Variants in HS3ST2 observed in about 807,000 individuals in gnomAD.
The protein encoded by HS3ST2 is heparan sulfate glucosamine 3-O-sulfotransferase 2.
A neutral mutation model predicts 26.3 loss-of-function variants in HS3ST2; 17 were observed. The observed-to-expected ratio is 0.65, with a 90% CI of 0.44 to 0.97. The LOEUF is 0.97. Among genes scored for constraint, HS3ST2 ranks in the 50% least tolerant of loss-of-function variants. HS3ST2 has a pLI of 0.00. For missense variants in HS3ST2, 402 were observed against 501.2 expected (o/e 0.80, Z 1.89); for synonymous variants, 237 against 219.2 (o/e 1.08, Z -0.72).
At chr16:22,852,480 G>C (rs1472207654) in intron 1 of HS3ST2, among the ~76,000 whole-genome samples, 1 of 152,140 alleles carries the variant, frequency 6.6e-6, no homozygotes, top group Non-Finnish European at 1.5e-5. Context: ...TTCTGGCACA[G>C]GGTGGTCCTG....
Position 22,814,637 on chromosome 16 carries a change from G to C in HS3ST2, c.27G>C (p.Ala9=). ...TGGCCTATAGGGTCCTGGGCCGCGC[G>C]GGGCCACCTCAGCCGCGGAGGGCGC... MAYRVLGR[A]GPPQPRRARR... is the part of the protein sequence containing the mutation. The change falls in exon 1 of 2, where the codon GCG becomes GCC. Residue 9 remains alanine, a synonymous_variant. Coordinates refer to ENST00000261374, the MANE Select transcript of HS3ST2 (RefSeq NM_006043.2). 1.9e-6 allele frequency: 3 copies of C among 1,553,624 alleles called. No individual in the cohort carries two copies. Among genetic ancestry groups the C allele is most frequent in the Non-Finnish European group, 2.6e-6 (3 of 1,150,206 alleles).
intron 1 of HS3ST2, among the ~76,000 whole-genome samples, chr16:22,904,553 G>A (rs1287684934): frequency 6.6e-6 from 1 of 152,192 alleles, no homozygotes; most frequent in African/African-American, 2.4e-5. Context: ...GCACAGTCAG[G>A]GAAGGCTTTA....
At chr16:22,887,342 C>A (rs940163453) in intron 1 of HS3ST2, among the ~76,000 whole-genome samples, 3 of 152,176 alleles carry the variant, frequency 2.0e-5, no homozygotes, top group African/African-American at 4.8e-5. Context: ...GATTCAGTGT[C>A]CAGTGAGACC....
intron 1 of HS3ST2, among the ~76,000 whole-genome samples, chr16:22,873,337 G>T (rs1198287996): frequency 1.3e-5 from 2 of 152,268 alleles, no homozygotes; most frequent in South Asian, 2.1e-4. Context: ...AGGAAACCAA[G>T]AATTCTTTAA....
At chr16:22,900,030 C>G (rs1239026783) in intron 1 of HS3ST2, among the ~76,000 whole-genome samples, 1 of 152,240 alleles carries the variant, frequency 6.6e-6, no homozygotes, top group Admixed American at 6.5e-5. Context: ...AGAGGGCACT[C>G]AGGTGCTCCT....
chr16:22,896,982 A>ATT (rs200257999), intron 1 of HS3ST2, among the ~76,000 whole-genome samples: 2 of 151,748 alleles, frequency 1.3e-5, no homozygotes, highest in Admixed American at 1.3e-4. Context: ...TAATTTTTGT[A>ATT]TTTTTTTGTA....
At chr16:22,883,495 G>A (rs1244106954) in intron 1 of HS3ST2, among the ~76,000 whole-genome samples, 1 of 152,234 alleles carries the variant, frequency 6.6e-6, no homozygotes, top group East Asian at 1.9e-4. Context: ...AGGGTGGGTA[G>A]GAAGTCCAGG....
At chr16:22,882,234 C>A (rs942881674) in intron 1 of HS3ST2, among the ~76,000 whole-genome samples, 7 of 152,108 alleles carry the variant, frequency 4.6e-5, no homozygotes, top group Admixed American at 1.3e-4. Context: ...TGGCGGTGCA[C>A]ACCTGTGGTC....
intron 1 of HS3ST2, among the ~76,000 whole-genome samples, chr16:22,893,891 G>A (rs1166724621): frequency 6.6e-6 from 1 of 152,062 alleles, no homozygotes. Flanking sequence ...AGGCTCAAGC[G>A]ATCTTCCACC....
At chr16:22,896,680 T>G (rs1250544650) in intron 1 of HS3ST2, among the ~76,000 whole-genome samples, 2 of 152,270 alleles carry the variant, frequency 1.3e-5, no homozygotes, top group Non-Finnish European at 2.9e-5. Flanking sequence ...TGTTTCTTTT[T>G]TATTCTTTTT....
intron 1 of HS3ST2, among the ~76,000 whole-genome samples, chr16:22,846,499 T>C (rs945116655): frequency 2.6e-5 from 4 of 152,122 alleles, no homozygotes; most frequent in Non-Finnish European, 4.4e-5. Flanking sequence ...TCACCTATGG[T>C]GTCAAGCACA....
At chr16:22,894,768 C>T (rs1010496319) in intron 1 of HS3ST2, among the ~76,000 whole-genome samples, 5 of 151,050 alleles carry the variant, frequency 3.3e-5, no homozygotes, top group Non-Finnish European at 7.4e-5. Context: ...TGGAGGCTGT[C>T]GTGCGCCGTG....
At chr16:22,878,359 A>C (rs1388930947) in intron 1 of HS3ST2, among the ~76,000 whole-genome samples, 3 of 152,256 alleles carry the variant, frequency 2.0e-5, no homozygotes, top group Non-Finnish European at 4.4e-5. Context: ...AATTCTGATT[A>C]GACACTGTTG....
chr16:22,887,493 A>G (rs1902075581), intron 1 of HS3ST2, among the ~76,000 whole-genome samples: 1 of 152,164 alleles, frequency 6.6e-6, no homozygotes, highest in Non-Finnish European at 1.5e-5. Flanking sequence ...TCACCTCCCA[A>G]AGACCTGACC....
intron 1 of HS3ST2, among the ~76,000 whole-genome samples, chr16:22,899,958 A>T (rs1396075205): frequency 6.6e-6 from 1 of 152,216 alleles, no homozygotes; most frequent in East Asian, 1.9e-4. Context: ...AGATATCTGG[A>T]GTGGAACCAG....
chr16:22,830,148 CTGCTTCTCT>C lies in HS3ST2; in HGVS notation c.485+15054_485+15062del, dbSNP rs879287360. On this transcript the variant is annotated intron_variant, in intron 1 of 1. Coordinates refer to ENST00000261374, the MANE Select transcript of HS3ST2 (RefSeq NM_006043.2). ...GGATGTTGAGTTTGTGATGCTGTCA[CTGCTTCTCT>C]GTAGGATAGAAGCTCTCTGCAACTT... 7.0e-3 allele frequency among the ~76,000 whole-genome samples: 1,066 copies of C among 152,296 alleles called. 9 individuals carry two copies. The highest frequency in any genetic ancestry group is 0.013 in the South Asian group (64 of 4,818).
intron 1 of HS3ST2, among the ~76,000 whole-genome samples, chr16:22,839,948 A>T (rs560016206): frequency 3.3e-5 from 5 of 152,358 alleles, no homozygotes; most frequent in African/African-American, 1.2e-4. Flanking sequence ...AAATGGTCAC[A>T]TTCTGGAAAA....
intron 1 of HS3ST2, among the ~76,000 whole-genome samples, chr16:22,890,996 A>G (rs1454641093): frequency 6.6e-6 from 1 of 152,210 alleles, no homozygotes; most frequent in Non-Finnish European, 1.5e-5. Flanking sequence ...GCTAATCCAC[A>G]TAGAGCTTGC....
chr16:22,839,622 T>A (rs1020311771), intron 1 of HS3ST2, among the ~76,000 whole-genome samples: 2 of 152,182 alleles, frequency 1.3e-5, no homozygotes. Flanking sequence ...GTATGCTTTT[T>A]TTTTTGTTTT....
Sources: gnomAD v4.1 joint callset for allele counts (sites outside exome capture counted in the v4.1 genomes callset) on GRCh38, gnomAD v4.1.1 for gene constraint, MANE v1.5 for transcripts, NCBI Gene and HGNC (gene_info 2026-07-23, HGNC 2026-07-21) for gene names.